CCNY: variants seen among roughly 807,000 people sequenced by gnomAD.
The protein encoded by CCNY is cyclin-Y.
Under a neutral mutation model 42.8 loss-of-function variants are expected in CCNY, and 19 were observed. The ratio of observed to expected loss-of-function variants is 0.44; its 90% CI spans 0.31 to 0.65. CCNY has a LOEUF of 0.65. Among genes scored for constraint, CCNY ranks in the 30% least tolerant of loss-of-function variants. The pLI is 0.07. For missense variants in CCNY, 370 were observed against 437.3 expected (o/e 0.85, Z 1.37); for synonymous variants, 165 against 162.7 (o/e 1.01, Z -0.11).
chr10:35,412,522 A>AG (rs1479441664), intron 1 of CCNY, among the ~76,000 whole-genome samples: 2 of 151,934 alleles, frequency 1.3e-5, no homozygotes, highest in Non-Finnish European at 2.9e-5. Context: ...TTCTCAGAGG[A>AG]GGGGGGACAT....
intron 3 of CCNY, among the ~76,000 whole-genome samples, chr10:35,285,451 G>T (rs990444792): frequency 3.3e-5 from 5 of 152,118 alleles, no homozygotes; most frequent in Non-Finnish European, 5.9e-5. Context: ...TTGAGACAGG[G>T]TCTTGCTCTG....
At chr10:35,295,235 T>G (rs1424819003) in intron 3 of CCNY, among the ~76,000 whole-genome samples, 1 of 152,002 alleles carries the variant, frequency 6.6e-6, no homozygotes, top group Non-Finnish European at 1.5e-5. Context: ...TAATACTTTT[T>G]TTTTTTTCTT....
intron 1 of CCNY, among the ~76,000 whole-genome samples, chr10:35,426,094 T>G (rs1838259293): frequency 1.4e-5 from 2 of 137,970 alleles, no homozygotes; most frequent in Admixed American, 7.5e-5. Context: ...TCTTCTCCCT[T>G]CACTGGTCCA....
intron 1 of CCNY, among the ~76,000 whole-genome samples, chr10:35,429,688 G>A (rs968302547): frequency 1.1e-4 from 16 of 152,288 alleles, no homozygotes; most frequent in East Asian, 1.9e-4. Flanking sequence ...CTGGTAAATT[G>A]GTAGCTGCAT....
At chr10:35,560,984 C>T (rs560498198) in intron 8 of CCNY, among the ~76,000 whole-genome samples, 2 of 152,234 alleles carry the variant, frequency 1.3e-5, no homozygotes, top group East Asian at 1.9e-4. Context: ...GAGGCACTGC[C>T]GGTGAGTTTT....
chr10:35,540,281 G>T (rs1327009280), intron 7 of CCNY, among the ~76,000 whole-genome samples: 1 of 152,146 alleles, frequency 6.6e-6, no homozygotes. Flanking sequence ...TTTTTATTTT[G>T]AAAGGGTATT....
intron 1 of CCNY, among the ~76,000 whole-genome samples, chr10:35,349,104 G>A (rs779820410): frequency 2.6e-5 from 4 of 152,176 alleles, no homozygotes; most frequent in Non-Finnish European, 4.4e-5. Flanking sequence ...TCCACAGGGT[G>A]GACGGTGGGA....
chr10:35,254,393 T>C (rs1565053200), intron 3 of CCNY, among the ~76,000 whole-genome samples: 1 of 152,230 alleles, frequency 6.6e-6, no homozygotes, highest in Non-Finnish European at 1.5e-5. Flanking sequence ...TGTAATGAGA[T>C]ATTCTTTCTG....
intron 1 of CCNY, among the ~76,000 whole-genome samples, chr10:35,385,010 A>AC (rs1177854335): frequency 6.6e-6 from 1 of 152,182 alleles, no homozygotes; most frequent in Admixed American, 6.5e-5. Flanking sequence ...AGGAACTCAG[A>AC]TTAATGCACA....
intron 2 of CCNY, among the ~76,000 whole-genome samples, chr10:35,494,191 C>CTT (rs1839958074): frequency 6.9e-6 from 1 of 144,744 alleles, no homozygotes; most frequent in South Asian, 2.3e-4. Context: ...GGGAGGATTG[C>CTT]TTGAGCCCAG....
intron 3 of CCNY, among the ~76,000 whole-genome samples, chr10:35,307,889 C>T (rs886442333): frequency 2.1e-5 from 3 of 145,750 alleles, no homozygotes; most frequent in African/African-American, 7.6e-5. Context: ...GCAATCTTGG[C>T]TCACTGCAAC....
chr10:35,509,370 G>A (rs1262027140), intron 3 of CCNY, among the ~76,000 whole-genome samples: 2 of 152,084 alleles, frequency 1.3e-5, no homozygotes, highest in African/African-American at 4.8e-5. Flanking sequence ...CTGCCTTCCC[G>A]GTTCAAGTGA....
At chr10:35,496,918 T>TC (rs1177205366) in intron 2 of CCNY, among the ~76,000 whole-genome samples, 4 of 152,198 alleles carry the variant, frequency 2.6e-5, no homozygotes, top group African/African-American at 9.6e-5. Flanking sequence ...CTCTCTTCAC[T>TC]CCCCATTTTA....
Position 35,566,152 on chromosome 10 carries a change from G to C in CCNY, c.876G>C (p.Glu292Asp). Residue 292 changes from glutamate to aspartate, a missense_variant, in exon 9 of 10, where the codon GAG becomes GAC. Coordinates refer to ENST00000374704, the MANE Select transcript of CCNY (RefSeq NM_145012.6). ...CGAACAACCTGAGCTTTCCCTTGGAGCCCCTGAGCAGGGAGAGGGCTCACA... is the reference window on the plus strand; with the variant it reads ...CGAACAACCTGAGCTTTCCCTTGGACCCCCTGAGCAGGGAGAGGGCTCACA... Reference protein sequence around the residue: ...AEANNLSFPLEPLSRERAHKL... With the variant: ...AEANNLSFPLDPLSRERAHKL... 2 of 1,614,212 alleles carry C rather than the reference G, an allele frequency of 1.2e-6. No individual in the cohort carries two copies. The highest frequency in any genetic ancestry group is 1.7e-6 in the Non-Finnish European group (2 of 1,180,030).
chr10:35,469,217 G>A (rs1377301922), intron 1 of CCNY, among the ~76,000 whole-genome samples: 3 of 152,202 alleles, frequency 2.0e-5, no homozygotes, highest in African/African-American at 4.8e-5. Context: ...GCCTTAGGCC[G>A]TTGACCCTGC....
chr10:35,514,217 C>G (rs574856280), intron 3 of CCNY, among the ~76,000 whole-genome samples: 2 of 152,120 alleles, frequency 1.3e-5, no homozygotes, highest in Non-Finnish European at 2.9e-5. Context: ...GTAGTCCTGA[C>G]AGTCAATAAA....
At chr10:35,559,130 C>T (rs1257374602) in intron 8 of CCNY, among the ~76,000 whole-genome samples, 1 of 152,194 alleles carries the variant, frequency 6.6e-6, no homozygotes, top group Non-Finnish European at 1.5e-5. Context: ...TAGATGCATT[C>T]ACATGTCATC....
At chr10:35,457,590 T>TTG (rs1290007773) in intron 1 of CCNY, among the ~76,000 whole-genome samples, 1 of 152,132 alleles carries the variant, frequency 6.6e-6, no homozygotes, top group African/African-American at 2.4e-5. Context: ...GATGTATTTT[T>TTG]TTTTTTTTGA....
intron 3 of CCNY, among the ~76,000 whole-genome samples, chr10:35,264,798 G>A (rs1004058139): frequency 1.3e-5 from 2 of 152,004 alleles, no homozygotes; most frequent in Admixed American, 6.6e-5. Flanking sequence ...GGGATAACAG[G>A]TGCCCACTAC....
Sources: gnomAD v4.1 joint callset for allele counts (sites outside exome capture counted in the v4.1 genomes callset) on GRCh38, gnomAD v4.1.1 for gene constraint, MANE v1.5 for transcripts, NCBI Gene and HGNC (gene_info 2026-07-23, HGNC 2026-07-21) for gene names.